FBXL7: variants seen among roughly 807,000 people sequenced by gnomAD.
The protein encoded by FBXL7 is F-box and leucine rich repeat protein 7.
Under a neutral mutation model 38.3 loss-of-function variants are expected in FBXL7, and 12 were observed. The observed-to-expected ratio is 0.31, with a 90% CI of 0.20 to 0.51. The LOEUF (loss-of-function observed/expected upper bound fraction) is 0.51. Among genes scored for constraint, FBXL7 ranks in the 20% least tolerant of loss-of-function variants. The pLI is 0.98. For missense variants in FBXL7, 567 were observed against 676.4 expected, an observed-to-expected ratio of 0.84 and a Z score of 1.79; for synonymous variants, 297 against 300.9, an observed-to-expected ratio of 0.99 and a Z score of 0.13.
chr5:15,859,581 C>T (rs547577195), intron 2 of FBXL7, among the ~76,000 whole-genome samples: 4 of 152,232 alleles, frequency 2.6e-5, no homozygotes, highest in African/African-American at 4.8e-5. Context: ...AGTCATGTCT[C>T]GCATGGCGGC....
intron 2 of FBXL7, among the ~76,000 whole-genome samples, chr5:15,672,625 G>A (rs1184547873): frequency 6.6e-6 from 1 of 150,430 alleles, no homozygotes; most frequent in East Asian, 2.0e-4. Flanking sequence ...CACGATCTTG[G>A]CTCACTACAA....
chr5:15,562,105 A>G (rs193198281), intron 1 of FBXL7, among the ~76,000 whole-genome samples: 19 of 152,236 alleles, frequency 1.2e-4, no homozygotes, highest in African/African-American at 4.6e-4. Context: ...CTTATCTTAC[A>G]CCATACGTCA....
intron 2 of FBXL7, among the ~76,000 whole-genome samples, chr5:15,916,161 T>C (rs1741578350): frequency 1.3e-5 from 2 of 152,182 alleles, no homozygotes; most frequent in African/African-American, 4.8e-5. Flanking sequence ...TAGAACTCCA[T>C]GGAATCATTC....
chr5:15,813,329 G>T (rs1365340075), intron 2 of FBXL7, among the ~76,000 whole-genome samples: 1 of 152,136 alleles, frequency 6.6e-6, no homozygotes, highest in Admixed American at 6.6e-5. Flanking sequence ...ATGGGGAAAG[G>T]ATTCCCTATT....
chr5:15,794,784 C>A (rs1183312852), intron 2 of FBXL7, among the ~76,000 whole-genome samples: 2 of 152,028 alleles, frequency 1.3e-5, no homozygotes, highest in Non-Finnish European at 2.9e-5. Context: ...TCTGTTCCTG[C>A]CTTACAACAA....
chr5:15,503,526 T>C (rs897109040), intron 1 of FBXL7, among the ~76,000 whole-genome samples: 3 of 152,246 alleles, frequency 2.0e-5, no homozygotes, highest in South Asian at 2.1e-4. Context: ...AAACTGTGTT[T>C]AAATAAGGCA....
chr5:15,639,850 G>C (rs1286373181), intron 2 of FBXL7, among the ~76,000 whole-genome samples: 1 of 152,040 alleles, frequency 6.6e-6, no homozygotes, highest in South Asian at 2.1e-4. Flanking sequence ...AGCTGGGGCC[G>C]AGGGAACACA....
At chr5:15,645,944 G>T (rs765579147) in intron 2 of FBXL7, among the ~76,000 whole-genome samples, 27 of 152,128 alleles carry the variant, frequency 1.8e-4, no homozygotes, top group Non-Finnish European at 2.6e-4. Flanking sequence ...AATCATGTGC[G>T]GCCAGTTGCT....
chr5:15,524,991 A>G (rs568817590), intron 1 of FBXL7, among the ~76,000 whole-genome samples: 1 of 152,306 alleles, frequency 6.6e-6, no homozygotes, highest in East Asian at 1.9e-4. Flanking sequence ...TGTCCACAGA[A>G]GCCTCTCTCC....
intron 1 of FBXL7, among the ~76,000 whole-genome samples, chr5:15,562,030 A>G (rs1469479108): frequency 6.6e-6 from 1 of 152,144 alleles, no homozygotes; most frequent in Non-Finnish European, 1.5e-5. Context: ...GCAGATAAGA[A>G]TAGTCTCTTC....
intron 2 of FBXL7, among the ~76,000 whole-genome samples, chr5:15,892,340 A>C (rs1449308639): frequency 6.6e-6 from 1 of 152,192 alleles, no homozygotes; most frequent in Non-Finnish European, 1.5e-5. Flanking sequence ...ATGTTCTACA[A>C]AGACTGTGGC....
intron 2 of FBXL7, among the ~76,000 whole-genome samples, chr5:15,843,452 G>T (rs977875235): frequency 1.3e-5 from 2 of 152,064 alleles, no homozygotes; most frequent in African/African-American, 4.8e-5. Context: ...GTAAATATTC[G>T]AATGAATAAA....
At chr5:15,532,533 AC>A (rs1308417300) in intron 1 of FBXL7, among the ~76,000 whole-genome samples, 15 of 152,222 alleles carry the variant, frequency 9.9e-5, no homozygotes. Flanking sequence ...GAAAGGTAAA[AC>A]AATTTAATTA....
chr5:15,569,210 T>C (rs1738684932), intron 1 of FBXL7, among the ~76,000 whole-genome samples: 1 of 152,228 alleles, frequency 6.6e-6, no homozygotes, highest in African/African-American at 2.4e-5. Flanking sequence ...TATTGATTCT[T>C]CCTACCTATG....
chr5:15,646,734 T>C (rs1741543832), intron 2 of FBXL7, among the ~76,000 whole-genome samples: 1 of 152,238 alleles, frequency 6.6e-6, no homozygotes, highest in East Asian at 1.9e-4. Context: ...AATGGAGGAC[T>C]GTCACTCTCA....
chr5:15,751,244 G>A (rs1054213415), intron 2 of FBXL7, among the ~76,000 whole-genome samples: 4 of 88,958 alleles, frequency 4.5e-5, no homozygotes, highest in African/African-American at 9.5e-5. Context: ...TAGCCCAGTG[G>A]TAAAAATTTT....
At chr5:15,831,376 A>G (rs1365326084) in intron 2 of FBXL7, among the ~76,000 whole-genome samples, 1 of 152,154 alleles carries the variant, frequency 6.6e-6, no homozygotes, top group Non-Finnish European at 1.5e-5. Flanking sequence ...GAAGACCTGG[A>G]ACAGGAGGCA....
intron 2 of FBXL7, among the ~76,000 whole-genome samples, chr5:15,617,463 A>G (rs1740493317): frequency 7.8e-6 from 1 of 128,290 alleles, no homozygotes; most frequent in African/African-American, 2.7e-5. Flanking sequence ...TTATTTATTT[A>G]TTTATTTATT....
chr5:15,798,974 G>C (rs764731674), intron 2 of FBXL7, among the ~76,000 whole-genome samples: 1 of 152,216 alleles, frequency 6.6e-6, no homozygotes, highest in Non-Finnish European at 1.5e-5. Context: ...GTGGTGCATT[G>C]ACACAGCCCC....
Sources: allele counts gnomAD v4.1 joint callset (sites outside exome capture counted in the v4.1 genomes callset), GRCh38; gene constraint gnomAD v4.1.1; transcripts MANE v1.5; gene names NCBI Gene and HGNC (gene_info 2026-07-23, HGNC 2026-07-21).